Variants in PEX7 observed in about 807,000 individuals in gnomAD.
PEX7 encodes the protein peroxisomal biogenesis factor 7.
In PEX7, 34 loss-of-function variants were observed where a neutral mutation model predicts 47.5. The ratio of observed to expected loss-of-function variants is 0.72; its 90% CI spans 0.54 to 0.95. PEX7 has a LOEUF of 0.95. Ranked by LOEUF, PEX7 falls within the 40% of genes least tolerant of loss-of-function variation. The probability of loss-of-function intolerance (pLI) is 0.00; values close to 1 mark genes in which losing one functional copy is unlikely to be tolerated. For missense variants in PEX7, 394 were observed against 400.3 expected, an observed-to-expected ratio of 0.98 and a Z score of 0.13; for synonymous variants, 141 against 148.8, an observed-to-expected ratio of 0.95 and a Z score of 0.38.
intron 9 of PEX7, among the ~76,000 whole-genome samples, chr6:136,907,251 T>G (rs1775860722): frequency 6.6e-6 from 1 of 152,210 alleles, no homozygotes; most frequent in Non-Finnish European, 1.5e-5. Flanking sequence ...ACATATGTGC[T>G]AAATAGCTAT....
At chr6:136,913,312 A>G in intron 9 of PEX7, 146 bp from the exon 10 acceptor site, 1 of 662,700 alleles carries the variant, frequency 1.5e-6, no homozygotes, top group Non-Finnish European at 2.7e-6. Context: ...CCTTTTATCA[A>G]AAACGTAGCC....
intron 5 of PEX7, among the ~76,000 whole-genome samples, chr6:136,847,807 A>G (rs1774655715): frequency 6.6e-6 from 1 of 152,196 alleles, no homozygotes; most frequent in Non-Finnish European, 1.5e-5. Flanking sequence ...CTTTTGGCCT[A>G]GGATTGTCTT....
chr6:136,907,979 A>C (rs1293818568), intron 9 of PEX7, among the ~76,000 whole-genome samples: 1 of 152,100 alleles, frequency 6.6e-6, no homozygotes, highest in Non-Finnish European at 1.5e-5. Flanking sequence ...TAGTGAATGC[A>C]TGTTTCTTTA....
chr6:136,891,967 A>G (rs1210862886), intron 8 of PEX7, among the ~76,000 whole-genome samples: 2 of 151,804 alleles, frequency 1.3e-5, no homozygotes, highest in East Asian at 3.9e-4. Context: ...TACAGATCGT[A>G]AAGTAATAGG....
intron 3 of PEX7, among the ~76,000 whole-genome samples, chr6:136,844,668 C>T (rs1215942075): frequency 6.6e-6 from 1 of 152,082 alleles, no homozygotes; most frequent in Non-Finnish European, 1.5e-5. Flanking sequence ...CCACCCCCAG[C>T]CCCTGGCAAA....
intron 8 of PEX7, 126 bp from the exon 9 acceptor site, chr6:136,898,016 T>C (rs1775682090): frequency 1.5e-6 from 1 of 669,392 alleles, no homozygotes; most frequent in Admixed American, 2.3e-5. Context: ...AGTGGGGTTC[T>C]GTATTTATGA....
chr6:136,838,703 A>T (rs970975479), intron 3 of PEX7, among the ~76,000 whole-genome samples: 2 of 152,200 alleles, frequency 1.3e-5, no homozygotes, highest in African/African-American at 4.8e-5. Context: ...GTATTTAGGA[A>T]TAAAAGGTCT....
intron 8 of PEX7, among the ~76,000 whole-genome samples, chr6:136,875,094 G>A (rs139449562): frequency 0.028 from 4,308 of 151,702 alleles, 85 homozygotes; most frequent in South Asian, 0.087. Flanking sequence ...AGCCGAGATC[G>A]TGCCATTGCA....
At chr6:136,879,526 C>G (rs1051312445) in intron 8 of PEX7, among the ~76,000 whole-genome samples, 2 of 152,050 alleles carry the variant, frequency 1.3e-5, no homozygotes, top group African/African-American at 4.8e-5. Flanking sequence ...TTGTTTGGCA[C>G]CACCCCGACC....
rs1057516882 is a variant in PEX7 at position 136,822,725 on chromosome 6, C to T, written c.60C>T (p.Tyr20=). ...TGCGGACGCCGGGACGCCACGGCTA[C>T]GCCGCCGAGTTCTCCCCGTACCTGC... The part of the protein sequence containing the change: ...RMLRTPGRHG[Y]AAEFSPYLPG... The change falls in exon 1 of 10, where the codon TAC becomes TAT. Residue 20 remains tyrosine, a synonymous_variant. Coordinates refer to ENST00000318471, the MANE Select transcript of PEX7 (RefSeq NM_000288.4). The T allele has an allele frequency of 6.6e-7, 1 of 1,513,956 alleles. No homozygotes were observed. The highest frequency in any genetic ancestry group is 8.8e-7 in the Non-Finnish European group (1 of 1,137,960). The allele number at this position is 1,513,956 out of a possible 1,614,324, so 93.8% of individuals were successfully genotyped here.
intron 5 of PEX7, among the ~76,000 whole-genome samples, chr6:136,862,039 T>G (rs1443187246): frequency 7.6e-6 from 1 of 131,716 alleles, no homozygotes; most frequent in East Asian, 2.0e-4. Flanking sequence ...ATATTTTATA[T>G]ATATTATATA....
intron 8 of PEX7, among the ~76,000 whole-genome samples, chr6:136,891,078 C>T (rs1775545032): frequency 6.6e-6 from 1 of 152,150 alleles, no homozygotes; most frequent in Non-Finnish European, 1.5e-5. Context: ...TGCCTCTTTT[C>T]CTTTATCTCC....
At chr6:136,840,798 C>T (rs1282975346) in intron 3 of PEX7, among the ~76,000 whole-genome samples, 1 of 152,174 alleles carries the variant, frequency 6.6e-6, no homozygotes, top group Non-Finnish European at 1.5e-5. Context: ...AGCTTGTTCC[C>T]TGTTAAGGTC....
intron 6 of PEX7, among the ~76,000 whole-genome samples, chr6:136,869,273 G>A (rs542050177): frequency 1.7e-4 from 26 of 151,742 alleles, no homozygotes; most frequent in African/African-American, 5.6e-4. Context: ...ACAGGGTCTC[G>A]CTGTGTCATC....
At chr6:136,903,336 C>CTTTTTTTTTTTTTTTTTT (rs552573661) in intron 9 of PEX7, among the ~76,000 whole-genome samples, 1 of 126,318 alleles carries the variant, frequency 7.9e-6, no homozygotes, top group African/African-American at 2.9e-5. Flanking sequence ...CTTTCTTTCT[C>CTTTTTTTTTTTTTTTTTT]TTTTTTTTTT....
At chr6:136,895,179 G>A (rs951213119) in intron 8 of PEX7, among the ~76,000 whole-genome samples, 4 of 152,030 alleles carry the variant, frequency 2.6e-5, no homozygotes, top group Non-Finnish European at 5.9e-5. Flanking sequence ...AAAAACTCTG[G>A]AAGTATACTC....
chr6:136,823,134 C>G lies in PEX7; in HGVS notation c.130+339C>G, dbSNP rs866502477. 5.7e-5 allele frequency: 56 copies of G among 985,314 alleles called. No homozygotes were observed. In the African/African-American group the frequency reaches 8.9e-4, roughly 16 times the overall value. The allele number at this position is 985,314 out of a possible 1,614,324, so 61.0% of individuals were successfully genotyped here. A position where few individuals can be genotyped will look rare whatever the true frequency, so the allele number is the denominator to read the frequency against. On this transcript the variant is annotated intron_variant, in intron 1 of 9. Transcript: ENST00000318471. ...GGAGAGCCGGGGGAGCCTGCGCGGT[C>G]CCTTGGATCGGTCCGCTCGGCACAG... is the stretch of plus-strand genomic sequence containing the variant.
chr6:136,834,378 G>C (rs1472735235), intron 3 of PEX7, among the ~76,000 whole-genome samples: 4 of 152,128 alleles, frequency 2.6e-5, no homozygotes, highest in Non-Finnish European at 2.9e-5. Flanking sequence ...CACCATGCCT[G>C]GCTAATTTTT....
At chr6:136,872,792 C>T (rs756082999) in intron 8 of PEX7, among the ~76,000 whole-genome samples, 1 of 151,904 alleles carries the variant, frequency 6.6e-6, no homozygotes, top group Non-Finnish European at 1.5e-5. Flanking sequence ...ATTTATTTTC[C>T]CTTTCCAAAT....
Sources: gnomAD v4.1 joint callset for allele counts (sites outside exome capture counted in the v4.1 genomes callset) on GRCh38, gnomAD v4.1.1 for gene constraint, MANE v1.5 for transcripts, NCBI Gene and HGNC (gene_info 2026-07-23, HGNC 2026-07-21) for gene names.